Variants in PSD3 observed in about 807,000 individuals in gnomAD.
PSD3 encodes pleckstrin and Sec7 domain containing 3.
A neutral mutation model predicts 105.5 loss-of-function variants in PSD3; 49 were observed. The ratio of observed to expected loss-of-function variants is 0.46; its 90% confidence interval spans 0.37 to 0.59. The LOEUF is 0.59. Ranked by LOEUF, PSD3 falls within the 20% of genes least tolerant of loss-of-function variation. PSD3 has a pLI of 0.00. For synonymous variants in PSD3, 557 were observed against 457.8 expected (o/e 1.22, Z -2.77); for missense variants, 1,561 against 1,263.8 (o/e 1.24, Z -3.57).
chr8:18,771,332 T>TA (rs1212725684), intron 8 of PSD3, among the ~76,000 whole-genome samples: 1 of 152,228 alleles, frequency 6.6e-6, no homozygotes, highest in East Asian at 1.9e-4. Flanking sequence ...CTCTTGTCCC[T>TA]ATCACTTTGA....
intron 1 of PSD3, among the ~76,000 whole-genome samples, chr8:18,937,789 G>A (rs1227257172): frequency 6.6e-6 from 1 of 152,228 alleles, no homozygotes; most frequent in Non-Finnish European, 1.5e-5. Context: ...ACTCGGCCAA[G>A]GGGCTGCCAC....
intron 10 of PSD3, among the ~76,000 whole-genome samples, chr8:18,642,212 T>C (rs1262081146): frequency 6.6e-6 from 1 of 152,072 alleles, no homozygotes; most frequent in Non-Finnish European, 1.5e-5. Context: ...TTTCTGAAAA[T>C]ACACTGGGGT....
chr8:18,991,285 AGTCATAAG>A (rs998879479), intron 1 of PSD3, among the ~76,000 whole-genome samples: 12 of 152,092 alleles, frequency 7.9e-5, no homozygotes, highest in Non-Finnish European at 1.3e-4. Context: ...TTGGCTACAG[AGTCATAAG>A]GTGATGTGTT....
chr8:18,914,983 G>A (rs1820488220), intron 2 of PSD3, among the ~76,000 whole-genome samples: 2 of 152,050 alleles, frequency 1.3e-5, no homozygotes, highest in African/African-American at 4.8e-5. Context: ...AAACAGCATG[G>A]TACTAGCATA....
At chr8:18,935,631 G>C (rs1822066722) in intron 2 of PSD3, among the ~76,000 whole-genome samples, 1 of 151,630 alleles carries the variant, frequency 6.6e-6, no homozygotes, top group Non-Finnish European at 1.5e-5. Flanking sequence ...TGGAGGTCAA[G>C]GCTGCAGTAA....
intron 10 of PSD3, among the ~76,000 whole-genome samples, chr8:18,648,076 G>C (rs555069136): frequency 7.2e-4 from 110 of 152,298 alleles, no homozygotes; most frequent in African/African-American, 2.5e-3. Context: ...CTTTATGGCA[G>C]TGCCAGAATA....
chr8:18,884,363 A>G (rs1818313263), intron 2 of PSD3, among the ~76,000 whole-genome samples: 1 of 152,256 alleles, frequency 6.6e-6, no homozygotes, highest in South Asian at 2.1e-4. Flanking sequence ...GTATTAAAAT[A>G]AAACAAGAGG....
At chr8:18,804,932 T>A in intron 4 of PSD3, 34 bp from the exon 5 acceptor site, 1 of 1,508,580 alleles carries the variant, frequency 6.6e-7, no homozygotes, top group Non-Finnish European at 9.0e-7. Flanking sequence ...AAATAATAGA[T>A]TTTTCTTATA....
At chr8:18,720,074 G>C (rs7837043) in intron 9 of PSD3, among the ~76,000 whole-genome samples, 5,709 of 152,114 alleles carry the variant, frequency 0.038, 293 homozygotes, top group African/African-American at 0.12. Context: ...GCCCCATTCT[G>C]ACCCAACTCA....
chr8:18,807,966 G>C (rs1247963000), intron 4 of PSD3, among the ~76,000 whole-genome samples: 1 of 152,100 alleles, frequency 6.6e-6, no homozygotes, highest in Non-Finnish European at 1.5e-5. Flanking sequence ...TTTAAAAAGA[G>C]ACTTAACACT....
At chr8:18,798,320 T>G (rs1810371376) in intron 8 of PSD3, among the ~76,000 whole-genome samples, 1 of 152,172 alleles carries the variant, frequency 6.6e-6, no homozygotes, top group South Asian at 2.1e-4. Context: ...CTGAGTATTT[T>G]GAGATATGTT....
Position 18,909,775 on chromosome 8 carries a change from T to C in PSD3, c.130+26259A>G, listed in dbSNP as rs955926808. On this transcript the variant is annotated intron_variant, in intron 2 of 15. Transcript: ENST00000327040. ...CTGGGATTACAGGTGTGAGCCACCA[T>C]GCCAGTCCTGTAGTTGTTTTTAAAC... Among the ~76,000 whole-genome samples the C allele has an allele frequency of 4.6e-5, 7 of 152,342 alleles. No homozygotes were observed. The South Asian group carries it at 1.4e-3, about 32-fold the overall frequency.
intron 14 of PSD3, among the ~76,000 whole-genome samples, chr8:18,559,482 A>T: frequency 6.6e-6 from 1 of 152,230 alleles, no homozygotes; most frequent in Non-Finnish European, 1.5e-5. Context: ...CAGTATAGTT[A>T]TTTATAATAT....
In PSD3 at chr8:18,610,817, T is replaced by C. The variant is rs573221965; in HGVS notation, c.2411-10383A>G. 2.1e-5 allele frequency among the ~76,000 whole-genome samples: 3 copies of C among 141,574 alleles called. No homozygotes were observed. In the South Asian group the frequency reaches 7.9e-4, roughly 37 times the overall value. The allele number at this position is 141,574 out of a possible 152,430, so 92.9% of individuals were successfully genotyped here. A position where few individuals can be genotyped will look rare whatever the true frequency, so the allele number is the denominator to read the frequency against. ...AGGTCTCAAGACTTTTACCCTAAAA[T>C]GTTCTGAAATGCCAGAAAGTATCAT... is the stretch of plus-strand genomic sequence containing the variant. On this transcript the variant is annotated intron_variant, in intron 11 of 15. Coordinates refer to ENST00000327040, the MANE Select transcript of PSD3 (RefSeq NM_015310.4).
At chr8:18,755,900 C>A (rs1012819468) in intron 9 of PSD3, among the ~76,000 whole-genome samples, 5 of 152,028 alleles carry the variant, frequency 3.3e-5, no homozygotes, top group African/African-American at 1.2e-4. Flanking sequence ...ATGATGAGCA[C>A]GTGATCGAAA....
intron 10 of PSD3, among the ~76,000 whole-genome samples, chr8:18,653,969 T>C (rs1243522399): frequency 6.6e-6 from 1 of 152,204 alleles, no homozygotes; most frequent in Non-Finnish European, 1.5e-5. Context: ...TCTGACTATA[T>C]CCTTCACAAA....
In PSD3 at chr8:18,971,753, T is replaced by C. The variant is rs527909003; in HGVS notation, c.22-35611A>G. 3.6e-3 allele frequency among the ~76,000 whole-genome samples: 543 copies of C among 152,158 alleles called. 1 individual carries two copies. The highest frequency in any genetic ancestry group is 0.012 in the South Asian group (58 of 4,830). ...GGTGCAGTGGCTCACACCTGTAATC[T>C]CAGCACTTTGGGAGGCCAAGGCAGG... On this transcript the variant is annotated intron_variant, in intron 1 of 15. Transcript: ENST00000327040.
chr8:19,007,282 T>C (rs1328440048), intron 1 of PSD3, among the ~76,000 whole-genome samples: 1 of 151,468 alleles, frequency 6.6e-6, no homozygotes, highest in African/African-American at 2.4e-5. Flanking sequence ...GAGTGAGAAA[T>C]GACAGCCCAG....
intron 11 of PSD3, among the ~76,000 whole-genome samples, chr8:18,616,833 C>G (rs563933136): frequency 3.3e-5 from 5 of 151,510 alleles, no homozygotes; most frequent in African/African-American, 1.2e-4. Context: ...CCGTTTTAGC[C>G]GGGATGGTCT....
Sources: gnomAD v4.1 joint callset for allele counts (sites outside exome capture counted in the v4.1 genomes callset) on GRCh38, gnomAD v4.1.1 for gene constraint, MANE v1.5 for transcripts, NCBI Gene and HGNC (gene_info 2026-07-23, HGNC 2026-07-21) for gene names.